The following NCKAP1 variants were observed in gnomAD, a reference collection of about 807,000 sequenced individuals.
NCKAP1 encodes the protein NCK associated protein 1, also known as nck-associated protein 1.
NCKAP1 carries 21 observed loss-of-function variants against 151.2 expected under a neutral mutation model. The ratio of observed to expected loss-of-function variants is 0.14; its 90% CI spans 0.10 to 0.20. The LOEUF is 0.20. Among genes scored for constraint, NCKAP1 ranks in the 10% least tolerant of loss-of-function variants. The pLI is 1.00. For synonymous variants in NCKAP1, 484 were observed against 451.8 expected, an observed-to-expected ratio of 1.07 and a Z score of -0.90; for missense variants, 933 against 1,352.1, an observed-to-expected ratio of 0.69 and a Z score of 4.86.
Position 182,928,277 on chromosome 2 carries a change from A to G in NCKAP1, c.3071-51T>C, listed in dbSNP as rs746611804. The G allele has an allele frequency of 2.1e-5, 27 of 1,268,156 alleles. No individual in the cohort carries two copies. The Admixed American group carries it at 2.4e-4, about 11-fold the overall frequency. 78.6% of individuals were successfully genotyped at this position (1,268,156 alleles called of 1,614,324 possible). A position where few individuals can be genotyped will look rare whatever the true frequency, so the allele number is the denominator to read the frequency against. On this transcript the variant is annotated intron_variant, in intron 28 of 30. Coordinates refer to ENST00000361354, the MANE Select transcript of NCKAP1 (RefSeq NM_013436.5). ...TAGACCCCAAAATAGCAAATAATACATAGAAGGCAAATCTTTAATGACTTC... is the reference window on the plus strand; with the variant it reads ...TAGACCCCAAAATAGCAAATAATACGTAGAAGGCAAATCTTTAATGACTTC...
intron 8 of NCKAP1, 36 bp from the exon 9 acceptor site, chr2:182,989,222 G>A (rs766257671): frequency 6.6e-6 from 10 of 1,524,730 alleles, no homozygotes; most frequent in Non-Finnish European, 8.9e-6. Flanking sequence ...AAATGTAAAT[G>A]TACAAGTATT....
intron 1 of NCKAP1, among the ~76,000 whole-genome samples, chr2:183,034,444 A>G (rs1699064680): frequency 6.6e-6 from 1 of 151,932 alleles, no homozygotes; most frequent in Admixed American, 6.6e-5. Flanking sequence ...CAGGAGGAAA[A>G]GACGCAAGTA....
chr2:183,021,113 G>A (rs957160519), intron 2 of NCKAP1, among the ~76,000 whole-genome samples: 1 of 151,946 alleles, frequency 6.6e-6, no homozygotes, highest in Admixed American at 6.6e-5. Flanking sequence ...GAATTACCAC[G>A]CCACCCAGCA....
At chr2:182,994,734 G>A in intron 8 of NCKAP1, 105 bp downstream of exon 8, 4 of 869,090 alleles carry the variant, frequency 4.6e-6, no homozygotes, top group South Asian at 1.5e-5. Flanking sequence ...GACATAGATG[G>A]GTTAGCACAA....
In NCKAP1 at chr2:182,916,500, T is replaced by C. The variant is rs1696471006; in HGVS notation, c.*9202A>G. ...CAAAGGAGTCAGAGATAAATAATAA[T>C]TACATTATGATTCAATATGTACTAT... On this transcript the variant is annotated 3_prime_UTR_variant, in exon 31 of 31. Transcript: ENST00000361354. The C allele has an allele frequency of 6.6e-6, 1 of 152,150 alleles. No individual in the cohort carries two copies. Among genetic ancestry groups the C allele is most frequent in the African/African-American group, 2.4e-5 (1 of 41,442 alleles). The allele number at this position is 152,150 out of a possible 1,614,324, so 9.4% of individuals were successfully genotyped here. A position where few individuals can be genotyped will look rare whatever the true frequency, so the allele number is the denominator to read the frequency against.
rs1180100637 is a variant in NCKAP1 at position 183,037,977 on chromosome 2, C to A, written c.108+15G>T. ...CCCGCCCGCCTCCGCCGCGGCCTCC[C>A]CGGCCCGTGCGCACCTTCTTGATGT... On this transcript the variant is annotated intron_variant, in intron 1 of 30. Transcript: ENST00000361354. 4 of 1,571,530 alleles carry A rather than the reference C, an allele frequency of 2.5e-6. No homozygotes were observed. The highest frequency in any genetic ancestry group is 3.4e-6 in the Non-Finnish European group (4 of 1,166,328).
chr2:182,957,384 C>A (rs192743996), intron 19 of NCKAP1, 73 bp downstream of exon 19: 123 of 1,462,580 alleles, frequency 8.4e-5, no homozygotes, highest in Middle Eastern at 1.8e-4. Flanking sequence ...TTCCTCAGTA[C>A]TAATGTCAAT....
chr2:183,037,617 C>A (rs991293851), intron 1 of NCKAP1, among the ~76,000 whole-genome samples: 1 of 152,190 alleles, frequency 6.6e-6, no homozygotes, highest in Admixed American at 6.5e-5. Context: ...GTTTTCCTAC[C>A]CACCTAGAAT....
rs752636960 is a variant in NCKAP1 at position 182,976,962 on chromosome 2, A to C, written c.1424-11T>G. 2.0e-6 allele frequency: 3 copies of C among 1,471,680 alleles called. No individual in the cohort carries two copies. Among genetic ancestry groups the C allele is most frequent in the Non-Finnish European group, 2.8e-6 (3 of 1,090,846 alleles). The allele number at this position is 1,471,680 out of a possible 1,614,324, so 91.2% of individuals were successfully genotyped here. On this transcript the variant is annotated splice_polypyrimidine_tract_variant and intron_variant, in intron 14 of 30. Transcript: ENST00000361354. ...CTTCCCCATCTTCAACTGTAGTAAT[A>C]GAAAAAAAAAAAAGATTACAAAGCA...
intron 2 of NCKAP1, among the ~76,000 whole-genome samples, chr2:183,020,457 C>T (rs1698773510): frequency 1.6e-5 from 2 of 123,128 alleles, no homozygotes; most frequent in East Asian, 2.1e-4. Flanking sequence ...AAAGCAGGAC[C>T]GTGTCCCAAA....
At position 182,930,815 on chromosome 2, in the gene NCKAP1, CAATA is replaced by C; in HGVS notation, c.2860-31_2860-28del. ...TGATAAAAACAAAAGAATTACAGAG[CAATA>C]AATAGTCTAACAAATTTCTGAGAAA... On this transcript the variant is annotated intron_variant, in intron 26 of 30. Coordinates refer to ENST00000361354, the MANE Select transcript of NCKAP1 (RefSeq NM_013436.5). 4 of 1,566,538 alleles carry C rather than the reference CAATA, an allele frequency of 2.6e-6. No individual in the cohort carries two copies. The South Asian group carries it at 4.5e-5, about 18-fold the overall frequency.
intron 2 of NCKAP1, among the ~76,000 whole-genome samples, chr2:183,016,218 T>C (rs936591044): frequency 6.6e-6 from 1 of 152,234 alleles, no homozygotes; most frequent in Non-Finnish European, 1.5e-5. Context: ...CATGTATTCA[T>C]GTTCTTTGGG....
chr2:182,934,145 C>A lies in NCKAP1; in HGVS notation c.2859+607G>T, dbSNP rs1696823027. On this transcript the variant is annotated intron_variant, in intron 26 of 30. Coordinates refer to ENST00000361354, the MANE Select transcript of NCKAP1 (RefSeq NM_013436.5). ...ACTATTATTTCATTGCTTCATCTTTCTTTTTTTTTTGAGACGGAGTCTCAT... is the reference window on the plus strand; with the variant it reads ...ACTATTATTTCATTGCTTCATCTTTATTTTTTTTTTGAGACGGAGTCTCAT... 4.0e-5 allele frequency among the ~76,000 whole-genome samples: 6 copies of A among 148,588 alleles called. No homozygotes were observed. The South Asian group carries it at 1.3e-3, about 32-fold the overall frequency.
intron 1 of NCKAP1, among the ~76,000 whole-genome samples, chr2:183,029,460 CAA>C (rs879304018): frequency 7.4e-6 from 1 of 135,968 alleles, no homozygotes. Context: ...ACCATGATGC[CAA>C]AAAAAAAAAA....
At chr2:182,982,984 A>C (rs1023329712) in intron 11 of NCKAP1, 57 bp from the exon 12 acceptor site, 68 of 1,270,616 alleles carry the variant, frequency 5.4e-5, no homozygotes, top group Non-Finnish European at 6.8e-5. Flanking sequence ...CAAAACTGGT[A>C]ATCTCTTTCT....
chr2:182,981,210 G>T (rs374834823), intron 13 of NCKAP1, 34 bp downstream of exon 13: 2 of 1,598,556 alleles, frequency 1.3e-6, no homozygotes, highest in South Asian at 1.1e-5. Context: ...GGGAAGGAAG[G>T]AACAAAAGGG....
chr2:182,999,997 G>C (rs1450712495), intron 6 of NCKAP1, among the ~76,000 whole-genome samples: 1 of 152,186 alleles, frequency 6.6e-6, no homozygotes, highest in East Asian at 1.9e-4. Context: ...GGGGACTCCA[G>C]AAGTGGGAAG....
At chr2:183,009,699 A>G (rs1314431849) in intron 2 of NCKAP1, among the ~76,000 whole-genome samples, 1 of 152,180 alleles carries the variant, frequency 6.6e-6, no homozygotes. Flanking sequence ...GCACATTTGC[A>G]CTGCTGTGCA....
At position 182,929,787 on chromosome 2, in the gene NCKAP1, T is replaced by C. The variant is rs139646449; in HGVS notation, c.2954-888A>G. Reference sequence around the variant, plus strand: ...GAAAAAAAAAAAAAAACTGATGAACTCAAACACCATGCTGCTGCCTCAAGG... The same window carrying C: ...GAAAAAAAAAAAAAAACTGATGAACCCAAACACCATGCTGCTGCCTCAAGG... On this transcript the variant is annotated intron_variant, in intron 27 of 30. Transcript: ENST00000361354. 4.1e-4 allele frequency among the ~76,000 whole-genome samples: 62 copies of C among 149,846 alleles called. No individual in the cohort carries two copies. In the East Asian group the frequency reaches 0.011, roughly 25 times the overall value.
Sources: gnomAD v4.1 joint callset for allele counts (sites outside exome capture counted in the v4.1 genomes callset) on GRCh38, gnomAD v4.1.1 for gene constraint, MANE v1.5 for transcripts, NCBI Gene and HGNC (gene_info 2026-07-23, HGNC 2026-07-21) for gene names.